Variants in SLC4A7 observed in about 807,000 individuals in gnomAD.
SLC4A7 encodes sodium bicarbonate cotransporter 3.
A neutral mutation model predicts 137.6 loss-of-function variants in SLC4A7; 51 were observed. That is an observed-to-expected ratio of 0.37 (90% confidence interval 0.30 to 0.47). SLC4A7 has a LOEUF of 0.47. Among genes scored for constraint, SLC4A7 ranks in the 20% least tolerant of loss-of-function variants. The pLI is 1.00. For synonymous variants in SLC4A7, 542 were observed against 518.6 expected (o/e 1.05, Z -0.61); for missense variants, 1,247 against 1,525.4 (o/e 0.82, Z 3.04).
At chr3:27,396,160 G>C (rs1239474182) in intron 18 of SLC4A7, among the ~76,000 whole-genome samples, 1 of 152,090 alleles carries the variant, frequency 6.6e-6, no homozygotes, top group Non-Finnish European at 1.5e-5. Context: ...ATATAAAAGG[G>C]AAATTTAATA....
chr3:27,438,603 CATA>C (rs1250301668), intron 3 of SLC4A7, among the ~76,000 whole-genome samples: 1 of 140,700 alleles, frequency 7.1e-6, no homozygotes, highest in East Asian at 2.0e-4. Context: ...AATAACATAA[CATA>C]AAATAAAATA....
intron 20 of SLC4A7, among the ~76,000 whole-genome samples, chr3:27,392,836 AG>A (rs2051716413): frequency 6.6e-6 from 1 of 152,178 alleles, no homozygotes; most frequent in Non-Finnish European, 1.5e-5. Flanking sequence ...AAAAGAAAAA[AG>A]AAAAAAAAAT....
intron 1 of SLC4A7, among the ~76,000 whole-genome samples, chr3:27,483,252 T>G (rs770846220): frequency 6.6e-6 from 1 of 152,230 alleles, no homozygotes; most frequent in Non-Finnish European, 1.5e-5. Flanking sequence ...TCACCCATCA[T>G]CACAAATGGG....
intron 14 of SLC4A7, 116 bp from the exon 15 acceptor site, chr3:27,403,500 G>C (rs967701626): frequency 6.7e-6 from 4 of 595,092 alleles, no homozygotes; most frequent in Non-Finnish European, 1.2e-5. Flanking sequence ...AAAAGAGAAT[G>C]AATTACAGAA....
intron 1 of SLC4A7, among the ~76,000 whole-genome samples, chr3:27,481,654 T>C (rs1440127685): frequency 6.6e-6 from 1 of 152,244 alleles, no homozygotes; most frequent in Non-Finnish European, 1.5e-5. Context: ...ATTCTATTCG[T>C]AGACTATATG....
chr3:27,386,150 AT>A, intron 22 of SLC4A7, 127 bp from the exon 23 acceptor site: 1 of 609,618 alleles, frequency 1.6e-6, no homozygotes, highest in Non-Finnish European at 2.7e-6. Context: ...TTCACACATC[AT>A]TTTGTTTCAA....
chr3:27,379,339 A>G lies in SLC4A7; in HGVS notation c.3608T>C (p.Val1203Ala). The G allele has an allele frequency of 6.5e-7, 1 of 1,530,880 alleles. No homozygotes were observed. Among genetic ancestry groups the G allele is most frequent in the South Asian group, 1.2e-5 (1 of 83,908 alleles). The allele number at this position is 1,530,880 out of a possible 1,614,324, so 94.8% of individuals were successfully genotyped here. A position where few individuals can be genotyped will look rare whatever the true frequency, so the allele number is the denominator to read the frequency against. Residue 1203 changes from valine (V) to alanine (A), a missense_variant, in exon 25 of 26, where the codon GTT becomes GCT. This residue lies in a region of SLC4A7 where 290 missense variants were observed against 323.8 expected (regional missense o/e 0.90). Coordinates refer to ENST00000454389, the MANE Select transcript of SLC4A7 (RefSeq NM_001321103.2). Reference protein sequence around the residue: ...ALKYSVDPSIVNISDEMAKTA... With the variant: ...ALKYSVDPSIANISDEMAKTA... ...TTTGGCCATTTCATCTGATATGTTA[A>G]CAATTGAGGGATCAACACTGAAGAA...
At chr3:27,419,673 T>C (rs1465502365) in intron 10 of SLC4A7, among the ~76,000 whole-genome samples, 1 of 151,592 alleles carries the variant, frequency 6.6e-6, no homozygotes, top group East Asian at 2.0e-4. Flanking sequence ...TGATAGGAAG[T>C]CATTAATATC....
chr3:27,392,041 C>T lies in SLC4A7; in HGVS notation c.3118-233G>A, dbSNP rs80260607. Among the ~76,000 whole-genome samples, 140 of 152,276 alleles carry T rather than the reference C, an allele frequency of 9.2e-4. 2 individuals carry two copies. In the East Asian group the frequency reaches 0.024, roughly 26 times the overall value. On this transcript the variant is annotated intron_variant, in intron 20 of 25. Coordinates refer to ENST00000454389, the MANE Select transcript of SLC4A7 (RefSeq NM_001321103.2). ...GTATGTTCACTTAAGATCAGGAGTA[C>T]TGCAGTCAGACTTAGTTTTAAGTCA...
intron 3 of SLC4A7, among the ~76,000 whole-genome samples, chr3:27,443,942 A>G (rs1448727116): frequency 6.6e-6 from 1 of 152,236 alleles, no homozygotes; most frequent in Admixed American, 6.5e-5. Context: ...TTGTGATCAG[A>G]GAACATACTT....
intron 3 of SLC4A7, among the ~76,000 whole-genome samples, chr3:27,442,518 G>A (rs539800987): frequency 4.4e-4 from 66 of 150,222 alleles, no homozygotes; most frequent in Non-Finnish European, 6.8e-4. Context: ...ACTAGCTTCC[G>A]CCTCCTGGGT....
chr3:27,483,685 G>A (rs1196843968), intron 1 of SLC4A7, among the ~76,000 whole-genome samples: 1 of 152,206 alleles, frequency 6.6e-6, no homozygotes, highest in Non-Finnish European at 1.5e-5. Context: ...CTGCGCCAAG[G>A]CAACCGGAAC....
At chr3:27,436,637 AG>A (rs2150404578) in intron 4 of SLC4A7, 89 bp from the exon 5 acceptor site, 10 of 848,268 alleles carry the variant, frequency 1.2e-5, no homozygotes, top group East Asian at 5.8e-5. Flanking sequence ...TGTTCTTTAA[AG>A]AAAAAAAAAA....
Position 27,397,785 on chromosome 3 carries a change from T to C in SLC4A7, c.2602A>G (p.Ile868Val), listed in dbSNP as rs745815530. ...RYFPTKVRST[I>V]SDFAVFLTIV... ...GTGAGAAATACAGCAAAATCACTGA[T>C]TGTCGATCGCACCTATGTTAAAGGG... Residue 868 changes from isoleucine (I) to valine (V), a missense_variant, in exon 18 of 26, where the codon ATC (isoleucine) becomes GTC (valine). Around this residue, in one of 6 missense-constraint regions of SLC4A7, gnomAD observed 499 missense variants for 664.2 expected, o/e 0.75. Coordinates refer to ENST00000454389, the MANE Select transcript of SLC4A7 (RefSeq NM_001321103.2). 1.6e-5 allele frequency: 26 copies of C among 1,593,630 alleles called. No individual in the cohort carries two copies. The highest frequency in any genetic ancestry group is 2.2e-5 in the East Asian group (1 of 44,568).
At chr3:27,443,920 A>G (rs1164048379) in intron 3 of SLC4A7, among the ~76,000 whole-genome samples, 1 of 152,194 alleles carries the variant, frequency 6.6e-6, no homozygotes, top group East Asian at 1.9e-4. Flanking sequence ...AGACATTTCT[A>G]GTTTAATTCT....
At position 27,375,832 on chromosome 3, in the gene SLC4A7, C is replaced by CT. The variant is rs1254853036; in HGVS notation, c.*931dup. The CT allele has an allele frequency of 1.3e-5, 2 of 151,918 alleles. No homozygotes were observed. Among genetic ancestry groups the CT allele is most frequent in the African/African-American group, 4.8e-5 (2 of 41,408 alleles). The allele number at this position is 151,918 out of a possible 1,614,324, so 9.4% of individuals were successfully genotyped here. A position where few individuals can be genotyped will look rare whatever the true frequency, so the allele number is the denominator to read the frequency against. On this transcript the variant is annotated 3_prime_UTR_variant, in exon 26 of 26. Transcript: ENST00000454389. The stretch of plus-strand genomic sequence containing the variant: ...AATAAAGTAATACTGATCATAGACC[C>CT]TTCTGAGAGAATTCTAACTCCTGAT...
At chr3:27,386,223 AAG>A (rs2050937458) in intron 22 of SLC4A7, among the ~76,000 whole-genome samples, 200 bp from the exon 23 acceptor site, 1 of 151,532 alleles carries the variant, frequency 6.6e-6, no homozygotes, top group African/African-American at 2.4e-5. Context: ...AAAAACTATA[AAG>A]AGAGGAAAAA....
At chr3:27,449,052 T>G (rs1185759173) in intron 2 of SLC4A7, among the ~76,000 whole-genome samples, 3 of 151,902 alleles carry the variant, frequency 2.0e-5, no homozygotes, top group Non-Finnish European at 2.9e-5. Context: ...GATATCTTTT[T>G]TTTTGTTTTG....
intron 1 of SLC4A7, among the ~76,000 whole-genome samples, chr3:27,476,860 G>A (rs1016605604): frequency 6.6e-6 from 1 of 152,084 alleles, no homozygotes; most frequent in Admixed American, 6.6e-5. Flanking sequence ...TGTCATAACA[G>A]ACTAATACAT....
Sources: allele counts gnomAD v4.1 joint callset (sites outside exome capture counted in the v4.1 genomes callset), GRCh38; gene constraint gnomAD v4.1.1; regional missense constraint gnomAD v4.1.1; transcripts MANE v1.5; gene names NCBI Gene and HGNC (gene_info 2026-07-23, HGNC 2026-07-21).